RBMS1: variants seen among roughly 807,000 people sequenced by gnomAD.
The protein encoded by RBMS1 is RNA binding motif single stranded interacting protein 1, also known as RNA-binding motif, single-stranded-interacting protein 1.
A neutral mutation model predicts 62.3 loss-of-function variants in RBMS1; 17 were observed. The observed-to-expected ratio is 0.27, with a 90% CI of 0.19 to 0.41. The LOEUF (loss-of-function observed/expected upper bound fraction) is 0.41. Among genes scored for constraint, RBMS1 ranks in the 10% least tolerant of loss-of-function variants. RBMS1 has a pLI of 1.00. For missense variants in RBMS1, 334 were observed against 504.5 expected, an observed-to-expected ratio of 0.66 and a Z score of 3.24; for synonymous variants, 172 against 170.0, an observed-to-expected ratio of 1.01 and a Z score of -0.09.
At chr2:160,433,577 C>G (rs1682991115) in intron 1 of RBMS1, among the ~76,000 whole-genome samples, 2 of 152,168 alleles carry the variant, frequency 1.3e-5, no homozygotes, top group Admixed American at 1.3e-4. Context: ...TTAAGTGACA[C>G]TGAGGTATAA....
At chr2:160,399,827 T>C (rs946537897) in intron 1 of RBMS1, among the ~76,000 whole-genome samples, 1 of 152,096 alleles carries the variant, frequency 6.6e-6, no homozygotes, top group African/African-American at 2.4e-5. Flanking sequence ...TGCTGGACGA[T>C]AGGACCGATA....
intron 1 of RBMS1, among the ~76,000 whole-genome samples, chr2:160,454,413 A>G (rs1684125550): frequency 6.6e-6 from 1 of 152,252 alleles, no homozygotes; most frequent in Non-Finnish European, 1.5e-5. Flanking sequence ...AAAATGCAGT[A>G]GGTGCCATAT....
intron 6 of RBMS1, among the ~76,000 whole-genome samples, chr2:160,291,436 C>G (rs1688673853): frequency 6.6e-6 from 1 of 152,230 alleles, no homozygotes; most frequent in African/African-American, 2.4e-5. Context: ...ATGCAAGGAA[C>G]TAGCTGCTGC....
At chr2:160,373,848 A>C (rs991087993) in intron 1 of RBMS1, among the ~76,000 whole-genome samples, 9 of 152,200 alleles carry the variant, frequency 5.9e-5, no homozygotes, top group African/African-American at 2.2e-4. Flanking sequence ...GTAGTACAGT[A>C]CAGTTTCTAA....
intron 1 of RBMS1, 77 bp from the exon 2 acceptor site, chr2:160,367,468 T>C (rs1398641605): frequency 1.3e-6 from 2 of 1,575,662 alleles, no homozygotes; most frequent in African/African-American, 2.7e-5. Flanking sequence ...TTACCAAGAT[T>C]TAAATATAGA....
intron 1 of RBMS1, among the ~76,000 whole-genome samples, chr2:160,419,929 T>TA (rs1179643655): frequency 1.3e-5 from 2 of 152,262 alleles, no homozygotes; most frequent in Non-Finnish European, 2.9e-5. Context: ...AGGAGGCTGC[T>TA]AATTTCTACA....
intron 1 of RBMS1, among the ~76,000 whole-genome samples, chr2:160,437,240 C>G (rs555567509): frequency 6.6e-5 from 10 of 152,256 alleles, no homozygotes; most frequent in South Asian, 4.1e-4. Flanking sequence ...CCACCTGCTT[C>G]ATTTTTGGTC....
intron 1 of RBMS1, among the ~76,000 whole-genome samples, chr2:160,419,324 C>G (rs961879396): frequency 6.6e-6 from 1 of 152,134 alleles, no homozygotes; most frequent in South Asian, 2.1e-4. Context: ...CTGTTTTCCT[C>G]CCTTTCTATG....
chr2:160,311,227 T>A, intron 4 of RBMS1, among the ~76,000 whole-genome samples: 1 of 89,168 alleles, frequency 1.1e-5, no homozygotes, highest in Admixed American at 1.2e-4. Context: ...TATCTATCTA[T>A]CTATCTATAT....
chr2:160,385,709 G>A (rs188966506), intron 1 of RBMS1, among the ~76,000 whole-genome samples: 122 of 152,300 alleles, frequency 8.0e-4, no homozygotes, highest in Non-Finnish European at 3.7e-4. Context: ...TGTTCTGTTC[G>A]GGGTGCCTCC....
At chr2:160,405,964 G>GA (rs559061899) in intron 1 of RBMS1, among the ~76,000 whole-genome samples, 92 of 152,344 alleles carry the variant, frequency 6.0e-4, no homozygotes, top group African/African-American at 2.1e-3. Flanking sequence ...CTGCATTTAT[G>GA]AAGTTGATGT....
chr2:160,475,962 T>C (rs1574106374), intron 1 of RBMS1, among the ~76,000 whole-genome samples: 1 of 151,386 alleles, frequency 6.6e-6, no homozygotes, highest in East Asian at 1.9e-4. Flanking sequence ...GCTCTGTCAA[T>C]CCTCCCGCCT....
intron 1 of RBMS1, among the ~76,000 whole-genome samples, chr2:160,403,773 C>G (rs1695551061): frequency 1.3e-5 from 2 of 152,196 alleles, no homozygotes; most frequent in Admixed American, 6.5e-5. Flanking sequence ...CAAAAAAGGC[C>G]TTCCTACATG....
chr2:160,467,358 T>G (rs1400454642), intron 1 of RBMS1, among the ~76,000 whole-genome samples: 4 of 152,176 alleles, frequency 2.6e-5, no homozygotes, highest in Non-Finnish European at 5.9e-5. Context: ...GATTTCTGAT[T>G]AAACACCACT....
At chr2:160,443,964 T>G (rs1256391899) in intron 1 of RBMS1, among the ~76,000 whole-genome samples, 1 of 152,218 alleles carries the variant, frequency 6.6e-6, no homozygotes, top group East Asian at 1.9e-4. Flanking sequence ...AGATGTCAAC[T>G]GCTCTCTACT....
chr2:160,398,187 A>G (rs906741382), intron 1 of RBMS1, among the ~76,000 whole-genome samples: 1 of 152,184 alleles, frequency 6.6e-6, no homozygotes, highest in South Asian at 2.1e-4. Flanking sequence ...TTCCCCCAGA[A>G]ACTCTTATTT....
In RBMS1 at chr2:160,365,490, A is replaced by C. The variant is rs114356956; in HGVS notation, c.251+1726T>G. 6.9e-3 allele frequency among the ~76,000 whole-genome samples: 1,050 copies of C among 152,314 alleles called. 5 individuals are homozygous for C. The highest frequency in any genetic ancestry group is 9.4e-3 in the Non-Finnish European group (637 of 68,028). On this transcript the variant is annotated intron_variant, in intron 2 of 13. Coordinates refer to ENST00000348849, the MANE Select transcript of RBMS1 (RefSeq NM_016836.4). Reference sequence around the variant, plus strand: ...TGAATATTCTAGGAAAAATGATAAAATGTTCTTCTGCCACATTTGTAATAT... The same window carrying C: ...TGAATATTCTAGGAAAAATGATAAACTGTTCTTCTGCCACATTTGTAATAT...
chr2:160,310,614 T>C (rs1363463898), intron 4 of RBMS1, among the ~76,000 whole-genome samples: 5 of 152,184 alleles, frequency 3.3e-5, no homozygotes, highest in African/African-American at 1.2e-4. Flanking sequence ...GTCGTGAGAC[T>C]TGCCCTGGAT....
chr2:160,329,083 G>A (rs1691111716), intron 2 of RBMS1, among the ~76,000 whole-genome samples: 1 of 152,110 alleles, frequency 6.6e-6, no homozygotes, highest in African/African-American at 2.4e-5. Context: ...CACTAACGCT[G>A]GCTTTGATCC....
Sources: allele counts gnomAD v4.1 joint callset (sites outside exome capture counted in the v4.1 genomes callset), GRCh38; gene constraint gnomAD v4.1.1; transcripts MANE v1.5; gene names NCBI Gene and HGNC (gene_info 2026-07-23, HGNC 2026-07-21).